Variants in EMC1 observed in about 807,000 individuals in gnomAD.
EMC1 encodes the protein ER membrane protein complex subunit 1.
EMC1 carries 103 observed loss-of-function variants against 128.8 expected under a neutral mutation model. That is an observed-to-expected ratio of 0.80 (90% confidence interval 0.68 to 0.94). The LOEUF (loss-of-function observed/expected upper bound fraction) is 0.94. Among genes scored for constraint, EMC1 ranks in the 40% least tolerant of loss-of-function variants. The pLI is 0.00. For synonymous variants in EMC1, 442 were observed against 490.4 expected (o/e 0.90, Z 1.30); for missense variants, 1,083 against 1,250.6 (o/e 0.87, Z 2.02).
At position 19,240,565 on chromosome 1, in the gene EMC1, T is replaced by C. The variant is rs778417843; in HGVS notation, c.637-119A>G. 1.0e-5 allele frequency: 12 copies of C among 1,170,220 alleles called. No individual in the cohort carries two copies. The South Asian group carries it at 1.4e-4, about 14-fold the overall frequency. The allele number at this position is 1,170,220 out of a possible 1,614,324, so 72.5% of individuals were successfully genotyped here. On this transcript the variant is annotated intron_variant, in intron 6 of 22. Transcript: ENST00000477853. ...GGGTCCTAAGCTCAAAGGTTCTTCA[T>C]GGTTGGTTGTATAGGAGTTCTTCCT...
chr1:19,246,971 G>A (rs1248764411), intron 1 of EMC1, among the ~76,000 whole-genome samples: 1 of 152,134 alleles, frequency 6.6e-6, no homozygotes, highest in Non-Finnish European at 1.5e-5. Flanking sequence ...ATCCAATAGA[G>A]GAAGAGACAT....
At chr1:19,243,484 C>T in intron 4 of EMC1, 130 bp downstream of exon 4, 2 of 780,920 alleles carry the variant, frequency 2.6e-6, no homozygotes, top group Non-Finnish European at 4.4e-6. Flanking sequence ...ACAATGGGTA[C>T]TCAATGTCAA....
Position 19,241,777 on chromosome 1 carries a change from G to C in EMC1, c.509+568C>G, listed in dbSNP as rs541313555. On this transcript the variant is annotated intron_variant, in intron 5 of 22. Transcript: ENST00000477853. ...CCACCTCAGGCTCCCAAAGTGCAGG[G>C]ATTACAGGCGTGAGACACCATGCCA... Among the ~76,000 whole-genome samples the C allele has an allele frequency of 1.3e-4, 20 of 152,298 alleles. 1 individual carries two copies. In the South Asian group the frequency reaches 3.9e-3, roughly 30 times the overall value.
At chr1:19,225,520 G>A (rs922519685) in intron 18 of EMC1, among the ~76,000 whole-genome samples, 3 of 152,088 alleles carry the variant, frequency 2.0e-5, no homozygotes, top group Admixed American at 6.6e-5. Flanking sequence ...GGTGGTGCGC[G>A]CTTGTAGTCC....
In EMC1 at chr1:19,233,208, G is replaced by A. The variant is rs2093537724; in HGVS notation, c.1433-73C>T. 3.8e-6 allele frequency: 5 copies of A among 1,325,080 alleles called. No individual in the cohort carries two copies. The South Asian group carries it at 6.7e-5, about 18-fold the overall frequency. 82.1% of individuals were successfully genotyped at this position (1,325,080 alleles called of 1,614,324 possible). A position where few individuals can be genotyped will look rare whatever the true frequency, so the allele number is the denominator to read the frequency against. ...TAAGGAGGTACATGATTTTCCTAAT[G>A]AGGGATCTCTGCCTCTCCTCTGGAG... On this transcript the variant is annotated intron_variant, in intron 13 of 22. Coordinates refer to ENST00000477853, the MANE Select transcript of EMC1 (RefSeq NM_015047.3).
chr1:19,251,518 C>G lies in EMC1; in HGVS notation c.-9G>C, dbSNP rs2093659547. 1 of 1,613,738 alleles carries G rather than the reference C, an allele frequency of 6.2e-7. No homozygotes were observed. ...GCCCACTCAGCCGCCATGATGCGAGCGCATGCACCACCCACCGCCGTCCCG... is the reference window on the plus strand; with the variant it reads ...GCCCACTCAGCCGCCATGATGCGAGGGCATGCACCACCCACCGCCGTCCCG... On this transcript the variant is annotated 5_prime_UTR_variant, in exon 1 of 23. Transcript: ENST00000477853.
In EMC1 at chr1:19,241,118, C is replaced by T. The variant is rs2093603129; in HGVS notation, c.534G>A (p.Val178=). The part of the protein sequence containing the change: ...PESDSIHYQM[V]YSYGSGVVWA... ...ACACCACCCCAGAGCCGTAAGAATA[C>T]ACCATCTGGTAGTGGATGCTGTCAC... The change falls in exon 6 of 23, where the codon GTG becomes GTA. Residue 178 remains valine, a synonymous_variant. Transcript: ENST00000477853. 1.2e-6 allele frequency: 2 copies of T among 1,614,072 alleles called. No homozygotes were observed. The highest frequency in any genetic ancestry group is 2.2e-5 in the East Asian group (1 of 44,902).
chr1:19,218,866 TCTTA>T lies in EMC1; in HGVS notation c.*433_*436del, dbSNP rs1407801151. ...GTGGAGTCGGCAAGGAGAGTTCCCCTCTTACTTTGAAGCAAGAGATGGAAAAAGT... is the reference window on the plus strand; with the variant it reads ...GTGGAGTCGGCAAGGAGAGTTCCCCTCTTTGAAGCAAGAGATGGAAAAAGT... On this transcript the variant is annotated 3_prime_UTR_variant, in exon 23 of 23. Transcript: ENST00000477853. The T allele has an allele frequency of 5.9e-6, 1 of 169,952 alleles. No homozygotes were observed. The highest frequency in any genetic ancestry group is 2.4e-5 in the African/African-American group (1 of 41,580). The allele number at this position is 169,952 out of a possible 1,614,324, so 10.5% of individuals were successfully genotyped here. A position where few individuals can be genotyped will look rare whatever the true frequency, so the allele number is the denominator to read the frequency against.
chr1:19,223,090 T>C (rs76468470), intron 19 of EMC1: 14,288 of 560,286 alleles, frequency 0.026, 255 homozygotes, highest in South Asian at 0.06. Flanking sequence ...CTTTGAATCA[T>C]TACTAGGTGC....
intron 18 of EMC1, 85 bp from the exon 19 acceptor site, chr1:19,223,654 C>A: frequency 7.8e-7 from 1 of 1,278,974 alleles, no homozygotes; most frequent in South Asian, 1.4e-5. Context: ...ACCTGGAGCT[C>A]TCCAGCCTGG....
rs760696707 is a variant in EMC1 at position 19,240,311 on chromosome 1, GTCTCAAC to G, written c.765_771del (p.Glu255AspfsTer10). 6.2e-7 allele frequency: 1 copy of G among 1,614,178 alleles called. No homozygotes were observed. The highest frequency in any genetic ancestry group is 1.6e-4 in the Middle Eastern group (1 of 6,062). ...CAGCCTCTCACCTGCAGTGGGATCT[GTCTCAAC>G]TCCCATTCCGTCTCCAGAGCCAAAG... On this transcript the variant is annotated frameshift_variant, in exon 7 of 23. Transcript: ENST00000477853. LOFTEE classifies it high-confidence loss of function.
intron 18 of EMC1, 96 bp downstream of exon 18, chr1:19,227,217 G>C: frequency 7.3e-7 from 1 of 1,364,794 alleles, no homozygotes; most frequent in East Asian, 2.4e-5. Context: ...ACTTACTCAA[G>C]GTCATATATG....
Position 19,219,627 on chromosome 1 carries a change from G to A in EMC1, c.2744C>T (p.Thr915Ile). The A allele has an allele frequency of 6.2e-7, 1 of 1,613,150 alleles. No individual in the cohort carries two copies. The highest frequency in any genetic ancestry group is 8.5e-7 in the Non-Finnish European group (1 of 1,179,736). Reference sequence around the variant, plus strand: ...GTAGATACCTCGCATTCGAGAAACTGTCTGGTTATAGTTGATGAATCGCTC... The same window carrying A: ...GTAGATACCTCGCATTCGAGAAACTATCTGGTTATAGTTGATGAATCGCTC... ...HAERFINYNQ[T>I]VSRMRGIYTA... is the part of the protein sequence containing the mutation. Residue 915 changes from threonine to isoleucine, a missense_variant, in exon 22 of 23, where the codon ACA becomes ATA. Around this residue, in one of 3 missense-constraint regions of EMC1, gnomAD observed 527 missense variants for 644.1 expected, o/e 0.82. Coordinates refer to ENST00000477853, the MANE Select transcript of EMC1 (RefSeq NM_015047.3).
intron 1 of EMC1, among the ~76,000 whole-genome samples, chr1:19,247,611 C>T (rs532846514): frequency 6.6e-6 from 1 of 152,188 alleles, no homozygotes; most frequent in Non-Finnish European, 1.5e-5. Context: ...CTACATAATA[C>T]TTGACAATGA....
In EMC1 at chr1:19,238,844, C is replaced by T. The variant is rs709682; in HGVS notation, c.1040G>A (p.Ser347Asn). The T allele has an allele frequency of 0.15, 233,566 of 1,596,632 alleles. 19,042 individuals are homozygous for T. Among genetic ancestry groups the T allele is most frequent in the African/African-American group, 0.3 (22,430 of 74,270 alleles). ...ACRNEVQKSS[S>N]SEDGSMGSFS... ...GCTCCCCATTGACCCATCTTCAGAA[C>T]TGCTACTTTTCTGCTATGAGAAAGA... is the stretch of plus-strand genomic sequence containing the variant. Residue 347 changes from serine to asparagine, a missense_variant, in exon 10 of 23, where the codon AGT (serine) becomes AAT (asparagine). This residue lies in a region of EMC1 where 544 missense variants were observed against 572.4 expected (regional missense o/e 0.95). Coordinates refer to ENST00000477853, the MANE Select transcript of EMC1 (RefSeq NM_015047.3).
chr1:19,232,452 A>C (rs986797081), intron 15 of EMC1, among the ~76,000 whole-genome samples, 172 bp downstream of exon 15: 4 of 152,202 alleles, frequency 2.6e-5, no homozygotes, highest in African/African-American at 4.8e-5. Context: ...ACAATTCCAC[A>C]TCAGTGCTGG....
At position 19,217,158 on chromosome 1, in the gene EMC1, G is replaced by A. The variant is rs2093401572; in HGVS notation, c.*2145C>T. 6.6e-6 allele frequency: 1 copy of A among 152,242 alleles called. No individual in the cohort carries two copies. The allele number at this position is 152,242 out of a possible 1,614,324, so 9.4% of individuals were successfully genotyped here. On this transcript the variant is annotated 3_prime_UTR_variant, in exon 23 of 23. Coordinates refer to ENST00000477853, the MANE Select transcript of EMC1 (RefSeq NM_015047.3). Reference sequence around the variant, plus strand: ...GTCTCAGCAGCCATTAGTGGAGACTGAGTGTAGCTGCTCAGAACCGAATGC... The same window carrying A: ...GTCTCAGCAGCCATTAGTGGAGACTAAGTGTAGCTGCTCAGAACCGAATGC...
rs372928629 is a variant in EMC1, at chr1:19,230,986, A to G, written c.1945-23T>C. 12 of 1,612,448 alleles carry G rather than the reference A, an allele frequency of 7.4e-6. No homozygotes were observed. In the African/African-American group the frequency reaches 1.1e-4, roughly 14 times the overall value. On this transcript the variant is annotated intron_variant, in intron 16 of 22. Coordinates refer to ENST00000477853, the MANE Select transcript of EMC1 (RefSeq NM_015047.3). ...GACCTTGAAAAACCCAGAGAGCCCA[A>G]GGAAAGAGTTAGGAAATTTCCCCAT...
chr1:19,235,850 G>A (rs936802355), intron 12 of EMC1, among the ~76,000 whole-genome samples: 5 of 152,144 alleles, frequency 3.3e-5, no homozygotes, highest in East Asian at 1.9e-4. Context: ...CTATGATCAC[G>A]CCACTGTACT....
Sources: gnomAD v4.1 joint callset for allele counts (sites outside exome capture counted in the v4.1 genomes callset) on GRCh38, gnomAD v4.1.1 for gene constraint, gnomAD v4.1.1 regional missense constraint, MANE v1.5 for transcripts, NCBI Gene and HGNC (gene_info 2026-07-23, HGNC 2026-07-21) for gene names.